The following PRPSAP2 variants were observed in gnomAD, a reference collection of about 807,000 sequenced individuals.
The protein encoded by PRPSAP2 is phosphoribosyl pyrophosphate synthase-associated protein 2.
Under a neutral mutation model 40.6 loss-of-function variants are expected in PRPSAP2, and 24 were observed. The observed-to-expected ratio is 0.59, with a 90% CI of 0.43 to 0.83. The LOEUF is 0.83. Ranked by LOEUF, PRPSAP2 falls within the 40% of genes least tolerant of loss-of-function variation. The pLI, the probability that PRPSAP2 is intolerant of heterozygous loss-of-function variation, is 0.00. For synonymous variants in PRPSAP2, 149 were observed against 164.7 expected (o/e 0.90, Z 0.73); for missense variants, 292 against 465.6 (o/e 0.63, Z 3.43).
At chr17:18,872,545 T>A in intron 4 of PRPSAP2, 38 bp from the exon 5 acceptor site, 1 of 1,480,878 alleles carries the variant, frequency 6.8e-7, no homozygotes, top group Non-Finnish European at 9.4e-7. Context: ...ATTTGAACTA[T>A]ATGCCTTTCC....
At chr17:18,905,913 T>C (rs1006606733) in intron 8 of PRPSAP2, among the ~76,000 whole-genome samples, 6 of 152,202 alleles carry the variant, frequency 3.9e-5, no homozygotes, top group Non-Finnish European at 8.8e-5. Context: ...AAAACTATTT[T>C]GATTTTTTTT....
intron 9 of PRPSAP2, among the ~76,000 whole-genome samples, chr17:18,923,083 A>G (rs2041784969): frequency 8.2e-6 from 1 of 121,710 alleles, no homozygotes; most frequent in Non-Finnish European, 1.7e-5. Flanking sequence ...TTATCTATTT[A>G]TTTATTTTTA....
At chr17:18,901,978 C>T (rs1248492984) in intron 8 of PRPSAP2, among the ~76,000 whole-genome samples, 1 of 151,956 alleles carries the variant, frequency 6.6e-6, no homozygotes, top group Non-Finnish European at 1.5e-5. Context: ...GCAACGGGAT[C>T]TCCCTATGTT....
At chr17:18,870,781 C>T (rs2037798450) in intron 4 of PRPSAP2, among the ~76,000 whole-genome samples, 1 of 150,198 alleles carries the variant, frequency 6.7e-6, no homozygotes, top group Non-Finnish European at 1.5e-5. Context: ...TGCACTCCAG[C>T]CCGGGCAACA....
chr17:18,924,812 T>C (rs1469682018), intron 10 of PRPSAP2, among the ~76,000 whole-genome samples: 1 of 150,300 alleles, frequency 6.7e-6, no homozygotes, highest in Admixed American at 6.6e-5. Context: ...ACATGAGATA[T>C]TGTTCTGTGA....
intron 4 of PRPSAP2, among the ~76,000 whole-genome samples, chr17:18,871,178 C>T (rs1052521375): frequency 6.6e-6 from 1 of 152,040 alleles, no homozygotes; most frequent in African/African-American, 2.4e-5. Context: ...TGCCACCAAG[C>T]CCAGCTAATG....
intron 10 of PRPSAP2, among the ~76,000 whole-genome samples, chr17:18,925,997 C>T (rs1002813292): frequency 9.9e-5 from 15 of 151,658 alleles, no homozygotes; most frequent in Admixed American, 3.9e-4. Context: ...CCCAGCTACT[C>T]GGGAGGCTGA....
intron 5 of PRPSAP2, among the ~76,000 whole-genome samples, chr17:18,873,465 C>T (rs2038051248): frequency 6.6e-6 from 1 of 152,164 alleles, no homozygotes; most frequent in African/African-American, 2.4e-5. Context: ...CTCAGCCTCC[C>T]AAAGTGCTGG....
At chr17:18,913,738 A>T (rs2041115787) in intron 9 of PRPSAP2, among the ~76,000 whole-genome samples, 1 of 150,574 alleles carries the variant, frequency 6.6e-6, no homozygotes, top group African/African-American at 2.4e-5. Context: ...TGTAGAGACA[A>T]AGTTTTACCA....
At chr17:18,902,066 G>C (rs552710989) in intron 8 of PRPSAP2, among the ~76,000 whole-genome samples, 2 of 152,202 alleles carry the variant, frequency 1.3e-5, no homozygotes, top group Non-Finnish European at 2.9e-5. Flanking sequence ...TTACAGGCAT[G>C]AGCCACTGCA....
intron 1 of PRPSAP2, among the ~76,000 whole-genome samples, chr17:18,862,639 G>T (rs934596452): frequency 1.3e-5 from 2 of 152,142 alleles, no homozygotes; most frequent in Non-Finnish European, 2.9e-5. Flanking sequence ...GAGGCTAAGA[G>T]ATTTTGAGTA....
chr17:18,927,212 G>T (rs1297745014), intron 10 of PRPSAP2, among the ~76,000 whole-genome samples: 3 of 152,164 alleles, frequency 2.0e-5, no homozygotes, highest in Non-Finnish European at 4.4e-5. Flanking sequence ...ATTCATTCCT[G>T]ATGGTGGATC....
rs59891086 is a variant in PRPSAP2 at position 18,885,429 on chromosome 17, A to AAAAAG, written c.528+2746_528+2747insAAAAG. On this transcript the variant is annotated intron_variant, in intron 7 of 11. Coordinates refer to ENST00000268835, the MANE Select transcript of PRPSAP2 (RefSeq NM_002767.4). ...AAAAAAAAAAAAAAAAAAAAAAAAA[A>AAAAAG]TTAATATGTGGGAACTCAGTGTTAA... Among the ~76,000 whole-genome samples, 3 of 109,270 alleles carry AAAAAG rather than the reference A, an allele frequency of 2.7e-5. 1 individual carries two copies. Among genetic ancestry groups the AAAAAG allele is most frequent in the African/African-American group, 1.1e-4 (3 of 28,302 alleles). 71.7% of individuals were successfully genotyped at this position (109,270 alleles called of 152,430 possible).
chr17:18,903,745 A>C (rs576759321), intron 8 of PRPSAP2, among the ~76,000 whole-genome samples: 101 of 152,286 alleles, frequency 6.6e-4, no homozygotes, highest in Non-Finnish European at 1.3e-3. Flanking sequence ...AAAACAAAGT[A>C]AAATAAAAAG....
In PRPSAP2 at chr17:18,889,927, A is replaced by T. The variant is rs58894561; in HGVS notation, c.584+50A>T. The T allele has an allele frequency of 2.0e-3, 3,042 of 1,537,358 alleles. 47 individuals carry two copies. The African/African-American group carries it at 0.036, about 18-fold the overall frequency. On this transcript the variant is annotated intron_variant, in intron 8 of 11. Transcript: ENST00000268835. Reference sequence around the variant, plus strand: ...TTCTGGATCTACTTCTAAGGATTGTATCCGTGATGAGTTCCAGGCATTCTA... The same window carrying T: ...TTCTGGATCTACTTCTAAGGATTGTTTCCGTGATGAGTTCCAGGCATTCTA...
At chr17:18,890,253 T>G (rs921509044) in intron 8 of PRPSAP2, among the ~76,000 whole-genome samples, 1 of 152,076 alleles carries the variant, frequency 6.6e-6, no homozygotes, top group South Asian at 2.1e-4. Flanking sequence ...CACCACAACC[T>G]CCACCTCCTG....
chr17:18,927,592 G>A (rs911333045), intron 10 of PRPSAP2, among the ~76,000 whole-genome samples: 1 of 152,184 alleles, frequency 6.6e-6, no homozygotes, highest in Non-Finnish European at 1.5e-5. Flanking sequence ...CATAAAACTC[G>A]CTATGTACAT....
chr17:18,867,710 C>T (rs1404991146), intron 4 of PRPSAP2, among the ~76,000 whole-genome samples: 2 of 152,160 alleles, frequency 1.3e-5, no homozygotes, highest in South Asian at 2.1e-4. Context: ...TGTGTGACCG[C>T]AGTTTTAGTT....
At chr17:18,902,165 TTTAGTAACC>T (rs1455403685) in intron 8 of PRPSAP2, among the ~76,000 whole-genome samples, 5 of 152,178 alleles carry the variant, frequency 3.3e-5, no homozygotes, top group Admixed American at 2.0e-4. Flanking sequence ...TGGGTGGACT[TTTAGTAACC>T]TCTAGAGTCC....
Sources: allele counts gnomAD v4.1 joint callset (sites outside exome capture counted in the v4.1 genomes callset), GRCh38; gene constraint gnomAD v4.1.1; transcripts MANE v1.5; gene names NCBI Gene and HGNC (gene_info 2026-07-23, HGNC 2026-07-21).